Variants in PPIL2 observed in about 807,000 individuals in gnomAD.
PPIL2 encodes RING-type E3 ubiquitin-protein ligase PPIL2.
A neutral mutation model predicts 75.2 loss-of-function variants in PPIL2; 50 were observed. That is an observed-to-expected ratio of 0.66 (90% confidence interval 0.53 to 0.84). The LOEUF is 0.84. PPIL2 is among the 40% of genes least tolerant of loss of function. The probability of loss-of-function intolerance (pLI) is 0.00; values close to 1 mark genes in which losing one functional copy is unlikely to be tolerated. For missense variants in PPIL2, 590 were observed against 685.0 expected (o/e 0.86, Z 1.55); for synonymous variants, 245 against 258.8 (o/e 0.95, Z 0.51).
chr22:21,683,205 C>T lies in PPIL2; in HGVS notation c.501C>T (p.Phe167=). ...TLQDPTNLDK[F]NVSNFYHVKN... ...AGGACCCCACCAATTTGGACAAGTT[C>T]AATGTCTCTAACTTCTATCATGTGA... Residue 167 remains phenylalanine, a synonymous_variant, in exon 9 of 20, where the codon TTC becomes TTT. Coordinates refer to ENST00000398831, the MANE Select transcript of PPIL2 (RefSeq NM_014337.4). The T allele has an allele frequency of 6.2e-7, 1 of 1,613,660 alleles. No homozygotes were observed. The highest frequency in any genetic ancestry group is 1.7e-4 in the Middle Eastern group (1 of 6,060).
intron 5 of PPIL2, 29 bp downstream of exon 5, chr22:21,672,410 T>A: frequency 6.4e-7 from 1 of 1,559,604 alleles, no homozygotes; most frequent in Non-Finnish European, 8.8e-7. Flanking sequence ...GTTTCAGTGA[T>A]GCTAGTGAAT....
intron 2 of PPIL2, chr22:21,670,240 T>A: frequency 1.7e-6 from 2 of 1,192,632 alleles, no homozygotes; most frequent in Non-Finnish European, 2.3e-6. Flanking sequence ...TACATGTACA[T>A]TTAAATGTTT....
chr22:21,688,745 C>A lies in PPIL2; in HGVS notation c.1035C>A (p.Tyr345Ter), dbSNP rs2067490692. 18 of 1,614,188 alleles carry A rather than the reference C, an allele frequency of 1.1e-5. No individual in the cohort carries two copies. The highest frequency in any genetic ancestry group is 1.5e-5 in the Non-Finnish European group (18 of 1,180,018). ...PTGTGTGGESYWGKPFKDEFR... is the reference protein window; with the variant it reads ...PTGTGTGGES ...TTTCTCTTCCAGGTGGGGAGTCATA[C>A]TGGGGGAAGCCCTTCAAAGACGAGT... Residue 345 changes from tyrosine to a stop codon, truncating the protein, a stop_gained, in exon 15 of 20, where the codon TAC becomes TAA. Coordinates refer to ENST00000398831, the MANE Select transcript of PPIL2 (RefSeq NM_014337.4). LOFTEE classifies it high-confidence loss of function.
intron 3 of PPIL2, 34 bp downstream of exon 3, chr22:21,670,645 ATTG>A (rs2066596790): frequency 1.3e-6 from 2 of 1,575,524 alleles, no homozygotes; most frequent in Middle Eastern, 1.7e-4. Context: ...TTCCCTTGTA[ATTG>A]TTCTCTGATC....
chr22:21,692,308 A>AT (rs1555900174), intron 15 of PPIL2, among the ~76,000 whole-genome samples: 1 of 151,688 alleles, frequency 6.6e-6, no homozygotes, highest in Non-Finnish European at 1.5e-5. Flanking sequence ...GGCGCCCGCC[A>AT]CACGCCTGGC....
chr22:21,668,555 C>T (rs1477335851), intron 1 of PPIL2, among the ~76,000 whole-genome samples: 2 of 149,902 alleles, frequency 1.3e-5, no homozygotes, highest in African/African-American at 4.9e-5. Context: ...CGTGAACTCA[C>T]GAGGTGGAGC....
intron 13 of PPIL2, 73 bp downstream of exon 13, chr22:21,687,805 C>A: frequency 6.9e-7 from 1 of 1,448,930 alleles, no homozygotes. Flanking sequence ...CTTGTCCCTG[C>A]CCCATCCCAG....
chr22:21,685,543 T>C (rs1314221229), intron 10 of PPIL2: 5 of 379,108 alleles, frequency 1.3e-5, no homozygotes, highest in Admixed American at 7.4e-5. Context: ...TCTGGAAAAT[T>C]TGAAAAAGAA....
chr22:21,692,959 A>AG, intron 15 of PPIL2, among the ~76,000 whole-genome samples: 1 of 151,524 alleles, frequency 6.6e-6, no homozygotes. Context: ...GTTATGAGGT[A>AG]GTCTCTGCCT....
Position 21,686,920 on chromosome 22 carries a change from C to T in PPIL2, c.819C>T (p.Tyr273=). 6.2e-7 allele frequency: 1 copy of T among 1,614,070 alleles called. No individual in the cohort carries two copies. The highest frequency in any genetic ancestry group is 8.5e-7 in the Non-Finnish European group (1 of 1,180,010). Residue 273 remains tyrosine, a synonymous_variant, in exon 12 of 20, where the codon TAC becomes TAT. Coordinates refer to ENST00000398831, the MANE Select transcript of PPIL2 (RefSeq NM_014337.4). ...AAAIDEDVLR[Y]QFVKKKGYVR... ...CCATCGACGAGGATGTGCTGCGCTA[C>T]CAGTTTGTGAAGAAGAAGGGCTACG...
downstream of PPIL2, chr22:21,698,841 TG>T (rs2068033197): frequency 6.6e-6 from 1 of 152,526 alleles, no homozygotes; most frequent in Non-Finnish European, 1.5e-5. Context: ...GGACAGGATG[TG>T]CTGGGCCAGC....
At chr22:21,694,853 G>A (rs759838310) in intron 18 of PPIL2, 36 bp downstream of exon 18, 3 of 1,590,928 alleles carry the variant, frequency 1.9e-6, no homozygotes, top group Non-Finnish European at 8.6e-7. Context: ...AGGAGGGTCT[G>A]GGCTAGTGCA....
chr22:21,673,817 C>A (rs1374830309), intron 5 of PPIL2, among the ~76,000 whole-genome samples: 3 of 152,160 alleles, frequency 2.0e-5, no homozygotes, highest in African/African-American at 7.2e-5. Flanking sequence ...GGCTGGCTGG[C>A]CCATGTGACT....
In PPIL2 at chr22:21,670,987, C is replaced by T; in HGVS notation, c.129-10C>T. ...GTGGCAACTCACCAGGAATGACTGT[C>T]CTTTTTCAGTCTCTCTCTGCAGCCC... On this transcript the variant is annotated splice_polypyrimidine_tract_variant and intron_variant, in intron 3 of 19. Coordinates refer to ENST00000398831, the MANE Select transcript of PPIL2 (RefSeq NM_014337.4). 2 of 1,609,640 alleles carry T rather than the reference C, an allele frequency of 1.2e-6. No homozygotes were observed. Among genetic ancestry groups the T allele is most frequent in the Non-Finnish European group, 1.7e-6 (2 of 1,175,856 alleles).
intron 6 of PPIL2, among the ~76,000 whole-genome samples, chr22:21,680,315 T>A (rs2067057683): frequency 6.6e-6 from 1 of 150,532 alleles, no homozygotes; most frequent in Non-Finnish European, 1.5e-5. Flanking sequence ...TGACTTGAGG[T>A]CAGGAGTTCG....
rs551847000 is a variant in PPIL2, at chr22:21,684,410, C to T, written c.554-343C>T. ...GAACTTGCAGTGAGCCGAGATTGCA[C>T]CACTGCACTCCAGCCTGGACGATAG... On this transcript the variant is annotated intron_variant, in intron 9 of 19. Coordinates refer to ENST00000398831, the MANE Select transcript of PPIL2 (RefSeq NM_014337.4). Among the ~76,000 whole-genome samples the T allele has an allele frequency of 2.8e-5, 4 of 142,746 alleles. No individual in the cohort carries two copies. The South Asian group carries it at 8.9e-4, about 32-fold the overall frequency. 93.6% of individuals were successfully genotyped at this position (142,746 alleles called of 152,430 possible).
intron 16 of PPIL2, among the ~76,000 whole-genome samples, chr22:21,694,324 A>G (rs891099780): frequency 6.6e-6 from 1 of 152,076 alleles, no homozygotes; most frequent in Non-Finnish European, 1.5e-5. Flanking sequence ...GGGAGAGCAC[A>G]AGCCACGTTT....
intron 6 of PPIL2, among the ~76,000 whole-genome samples, chr22:21,676,312 T>TGTGTGTGC (rs1196073700): frequency 3.3e-4 from 49 of 147,306 alleles, no homozygotes; most frequent in African/African-American, 1.2e-3. Flanking sequence ...ATTTATTTTG[T>TGTGTGTGC]GTGTGTGTGT....
At chr22:21,681,419 A>G in intron 7 of PPIL2, 29 bp downstream of exon 7, 2 of 1,559,234 alleles carry the variant, frequency 1.3e-6, no homozygotes, top group Non-Finnish European at 1.8e-6. Flanking sequence ...GCGTGGAGAC[A>G]GCGGTGGGGA....
Sources: gnomAD v4.1 joint callset for allele counts (sites outside exome capture counted in the v4.1 genomes callset) on GRCh38, gnomAD v4.1.1 for gene constraint, MANE v1.5 for transcripts, NCBI Gene and HGNC (gene_info 2026-07-23, HGNC 2026-07-21) for gene names.